MTERF3: variants seen among roughly 807,000 people sequenced by gnomAD.
The protein encoded by MTERF3 is transcription termination factor 3, mitochondrial.
MTERF3 carries 40 observed loss-of-function variants against 40.5 expected under a neutral mutation model. That is an observed-to-expected ratio of 0.99 (90% CI 0.77 to 1.29). The LOEUF (loss-of-function observed/expected upper bound fraction) is 1.29. MTERF3 is among the 50% of genes most tolerant of loss of function. MTERF3 has a pLI of 0.00. For synonymous variants in MTERF3, 158 were observed against 166.6 expected (o/e 0.95, Z 0.40); for missense variants, 452 against 478.2 (o/e 0.95, Z 0.51).
chr8:96,250,330 TTTTTTTTTTTTTTAAG>T (rs1586167447), intron 4 of MTERF3, among the ~76,000 whole-genome samples: 1 of 99,442 alleles, frequency 1.0e-5, no homozygotes, highest in East Asian at 2.5e-4. Context: ...TGTTGATGGG[TTTTTTTTTTTTTTAAG>T]AAAAAAACGT....
At chr8:96,241,408 CA>C (rs1167206782) in intron 7 of MTERF3, among the ~76,000 whole-genome samples, 2 of 139,878 alleles carry the variant, frequency 1.4e-5, no homozygotes, top group South Asian at 2.3e-4. Context: ...GACTCCATCG[CA>C]AAAAAAAACA....
At chr8:96,255,910 C>T (rs1810271239) in intron 3 of MTERF3, among the ~76,000 whole-genome samples, 1 of 152,126 alleles carries the variant, frequency 6.6e-6, no homozygotes, top group African/African-American at 2.4e-5. Context: ...GGTAAGTGAT[C>T]AGTACCACAA....
rs1383009191 is a variant in MTERF3, at chr8:96,250,328, G to A, written c.677+578C>T. Among the ~76,000 whole-genome samples the A allele has an allele frequency of 5.6e-5, 8 of 142,826 alleles. 1 individual carries two copies. Among genetic ancestry groups the A allele is most frequent in the Non-Finnish European group, 1.1e-4 (7 of 66,408 alleles). 93.7% of individuals were successfully genotyped at this position (142,826 alleles called of 152,430 possible). A position where few individuals can be genotyped will look rare whatever the true frequency, so the allele number is the denominator to read the frequency against. ...CAGATAAGTTAGCTATTTGTTGATGGGTTTTTTTTTTTTTTAAGAAAAAAA... is the reference window on the plus strand; with the variant it reads ...CAGATAAGTTAGCTATTTGTTGATGAGTTTTTTTTTTTTTTAAGAAAAAAA... On this transcript the variant is annotated intron_variant, in intron 4 of 7. Transcript: ENST00000287025.
chr8:96,240,970 C>A (rs1477496358), intron 7 of MTERF3, among the ~76,000 whole-genome samples: 1 of 152,200 alleles, frequency 6.6e-6, no homozygotes, highest in Non-Finnish European at 1.5e-5. Context: ...TGGAACAGAA[C>A]ATCTCCCTTC....
At chr8:96,253,230 G>A (rs747261214) in intron 3 of MTERF3, among the ~76,000 whole-genome samples, 1 of 152,118 alleles carries the variant, frequency 6.6e-6, no homozygotes, top group Non-Finnish European at 1.5e-5. Context: ...AGCCTTAAGA[G>A]AACAAACAAG....
chr8:96,250,661 A>T (rs1437657833), intron 4 of MTERF3, among the ~76,000 whole-genome samples: 1 of 31,888 alleles, frequency 3.1e-5, no homozygotes. Context: ...AAGAAGAAGA[A>T]GAAGAAGAAG....
Position 96,245,906 on chromosome 8 carries a change from G to C in MTERF3, c.851C>G (p.Pro284Arg). Reference sequence around the variant, plus strand: ...TTCCAGACTTCCAGTTAGCAGCCTTGGGAGACGAACTACCAGATCTCTAGT... The same window carrying C: ...TTCCAGACTTCCAGTTAGCAGCCTTCGGAGACGAACTACCAGATCTCTAGT... Reference protein sequence around the residue: ...KKTRDLVVRLPRLLTGSLEPV... With the variant: ...KKTRDLVVRLRRLLTGSLEPV... The change falls in exon 6 of 8, where the codon CCA becomes CGA. Residue 284 changes from proline (P) to arginine (R), a missense_variant. Pro to Arg is a moderately radical substitution (Grantham distance 103, BLOSUM62 -2). Coordinates refer to ENST00000287025, the MANE Select transcript of MTERF3 (RefSeq NM_015942.5). 6.2e-7 allele frequency: 1 copy of C among 1,613,878 alleles called. No homozygotes were observed.
chr8:96,253,865 A>T (rs1355689543), intron 3 of MTERF3, among the ~76,000 whole-genome samples: 1 of 150,774 alleles, frequency 6.6e-6, no homozygotes, highest in Non-Finnish European at 1.5e-5. Context: ...AAAAAAAATT[A>T]GCCCAGATGG....
intron 5 of MTERF3, 140 bp downstream of exon 5, chr8:96,246,164 TAGC>T: frequency 1.2e-6 from 1 of 853,612 alleles, no homozygotes; most frequent in African/African-American, 1.7e-5. Flanking sequence ...ATGTTTAAAC[TAGC>T]AGGATAATTC....
chr8:96,261,092 TG>T (rs1810376839), intron 1 of MTERF3, among the ~76,000 whole-genome samples: 1 of 152,336 alleles, frequency 6.6e-6, no homozygotes, highest in South Asian at 2.1e-4. Context: ...CTGTTCTCAA[TG>T]AGTGCCTAGT....
At chr8:96,246,239 A>T in intron 5 of MTERF3, 68 bp downstream of exon 5, 1 of 1,417,812 alleles carries the variant, frequency 7.1e-7, no homozygotes, top group Non-Finnish European at 9.5e-7. Flanking sequence ...TCTGCTGGGA[A>T]CATGAGATCT....
intron 1 of MTERF3, among the ~76,000 whole-genome samples, chr8:96,259,397 A>G (rs1810339900): frequency 2.7e-5 from 1 of 36,786 alleles, no homozygotes; most frequent in South Asian, 1.5e-3. Context: ...CTTCAAAAAG[A>G]AAAGGTCAAA....
At chr8:96,247,285 T>G (rs117463630) in intron 4 of MTERF3, among the ~76,000 whole-genome samples, 1,937 of 152,302 alleles carry the variant, frequency 0.013, 23 homozygotes, top group Non-Finnish European at 0.02. Context: ...CATGTATTTT[T>G]ATAAATGATT....
intron 2 of MTERF3, among the ~76,000 whole-genome samples, chr8:96,257,810 C>A (rs576962946): frequency 1.3e-5 from 2 of 152,148 alleles, no homozygotes; most frequent in East Asian, 3.8e-4. Context: ...CTCCTCCCTG[C>A]CCTCTCCCCA....
At chr8:96,259,616 C>T (rs1299337259) in intron 1 of MTERF3, among the ~76,000 whole-genome samples, 1 of 152,122 alleles carries the variant, frequency 6.6e-6, no homozygotes, top group African/African-American at 2.4e-5. Flanking sequence ...ATAACATTAT[C>T]CATATAAAAC....
intron 4 of MTERF3, among the ~76,000 whole-genome samples, chr8:96,250,571 CATG>C (rs1335319671): frequency 7.1e-6 from 1 of 139,950 alleles, no homozygotes. Context: ...ATTAGCCAGG[CATG>C]GTGGCCACCT....
At chr8:96,244,154 ATTT>A (rs1012651979) in intron 6 of MTERF3, 74 bp from the exon 7 acceptor site, 112 of 1,040,856 alleles carry the variant, frequency 1.1e-4, no homozygotes, top group Middle Eastern at 3.1e-4. Context: ...GGCTGCACTG[ATTT>A]TTTTTTTTTT....
At chr8:96,259,433 A>G (rs1810340535) in intron 1 of MTERF3, among the ~76,000 whole-genome samples, 1 of 152,230 alleles carries the variant, frequency 6.6e-6, no homozygotes, top group Non-Finnish European at 1.5e-5. Flanking sequence ...AAGTGACAGA[A>G]ATAAATAAGC....
chr8:96,252,452 T>C (rs1033369554), intron 3 of MTERF3, among the ~76,000 whole-genome samples: 3 of 152,146 alleles, frequency 2.0e-5, no homozygotes, highest in Non-Finnish European at 4.4e-5. Context: ...AAAAATTACG[T>C]TTAACTACAG....
Sources: allele counts gnomAD v4.1 joint callset (sites outside exome capture counted in the v4.1 genomes callset), GRCh38; gene constraint gnomAD v4.1.1; transcripts MANE v1.5; gene names NCBI Gene and HGNC (gene_info 2026-07-23, HGNC 2026-07-21).